The following CDH12 variants were observed in gnomAD, a reference collection of about 807,000 sequenced individuals.
The protein encoded by CDH12 is cadherin-12.
A neutral mutation model predicts 74.1 loss-of-function variants in CDH12; 41 were observed. The ratio of observed to expected loss-of-function variants is 0.55; its 90% confidence interval spans 0.43 to 0.72. CDH12 has a LOEUF of 0.72. Among genes scored for constraint, CDH12 ranks in the 30% least tolerant of loss-of-function variants. CDH12 has a pLI of 0.00. For missense variants in CDH12, 945 were observed against 977.2 expected (o/e 0.97, Z 0.44); for synonymous variants, 399 against 355.0 (o/e 1.12, Z -1.39).
At chr5:22,026,508 T>G (rs1216849251) in intron 5 of CDH12, among the ~76,000 whole-genome samples, 2 of 152,136 alleles carry the variant, frequency 1.3e-5, no homozygotes, top group Non-Finnish European at 2.9e-5. Flanking sequence ...TTAACCATAT[T>G]TAGTCAATAA....
chr5:22,672,867 A>C (rs2126916691), intron 1 of CDH12, among the ~76,000 whole-genome samples: 1 of 152,274 alleles, frequency 6.6e-6, no homozygotes, highest in East Asian at 1.9e-4. Flanking sequence ...GCATATGAAT[A>C]AAGTCTAAAT....
At chr5:22,122,606 C>A (rs1272035948) in intron 4 of CDH12, among the ~76,000 whole-genome samples, 1 of 152,136 alleles carries the variant, frequency 6.6e-6, no homozygotes, top group Non-Finnish European at 1.5e-5. Context: ...GGTTATAAGC[C>A]ATCTATTTCA....
intron 1 of CDH12, among the ~76,000 whole-genome samples, chr5:22,574,657 G>A (rs1739696484): frequency 6.6e-6 from 1 of 151,980 alleles, no homozygotes; most frequent in Admixed American, 6.6e-5. Context: ...TCCTTAAAAA[G>A]CCTCTATCTT....
At chr5:22,338,126 T>C (rs904776409) in intron 3 of CDH12, among the ~76,000 whole-genome samples, 2 of 152,218 alleles carry the variant, frequency 1.3e-5, no homozygotes, top group Non-Finnish European at 2.9e-5. Context: ...GTCCCATGTT[T>C]ATAGCATACT....
chr5:22,641,045 A>T (rs1739121461), intron 1 of CDH12, among the ~76,000 whole-genome samples: 1 of 152,152 alleles, frequency 6.6e-6, no homozygotes. Flanking sequence ...CTCTAGAGAG[A>T]TTGACCAATA....
At chr5:21,800,722 T>TTGAA (rs1339534281) in intron 10 of CDH12, among the ~76,000 whole-genome samples, 1 of 152,186 alleles carries the variant, frequency 6.6e-6, no homozygotes, top group African/African-American at 2.4e-5. Flanking sequence ...TCCCTACATG[T>TTGAA]TGAAGGAGGG....
At chr5:22,786,956 A>T (rs997624171) in intron 1 of CDH12, among the ~76,000 whole-genome samples, 2 of 151,912 alleles carry the variant, frequency 1.3e-5, no homozygotes, top group African/African-American at 4.8e-5. Context: ...CTGACCTCAG[A>T]TGATCTGCCC....
intron 1 of CDH12, among the ~76,000 whole-genome samples, chr5:22,808,378 G>A (rs1360764332): frequency 6.6e-6 from 1 of 152,078 alleles, no homozygotes; most frequent in African/African-American, 2.4e-5. Context: ...AGAAAGATGA[G>A]TGATACCCTT....
chr5:22,255,478 C>T (rs947807550), intron 3 of CDH12, among the ~76,000 whole-genome samples: 2 of 151,608 alleles, frequency 1.3e-5, no homozygotes, highest in African/African-American at 2.4e-5. Flanking sequence ...CCATGTGGCT[C>T]TTATTTCAGA....
intron 1 of CDH12, among the ~76,000 whole-genome samples, chr5:22,792,148 G>C (rs1204577482): frequency 6.8e-6 from 1 of 146,236 alleles, no homozygotes; most frequent in Non-Finnish European, 1.5e-5. Context: ...GAGTGCAGTC[G>C]CATAATCTCG....
intron 4 of CDH12, chr5:22,152,004 C>T (rs1397501943): frequency 6.6e-6 from 1 of 152,040 alleles, no homozygotes. Flanking sequence ...AAGGTAAGCA[C>T]ATAGCTAACT....
chr5:22,297,773 T>C (rs1294125475), intron 3 of CDH12, among the ~76,000 whole-genome samples: 1 of 152,156 alleles, frequency 6.6e-6, no homozygotes, highest in Admixed American at 6.6e-5. Context: ...AGTCAAATCA[T>C]TTAATACCTG....
At chr5:21,909,714 A>G (rs1382209210) in intron 6 of CDH12, among the ~76,000 whole-genome samples, 1 of 152,216 alleles carries the variant, frequency 6.6e-6, no homozygotes, top group Non-Finnish European at 1.5e-5. Flanking sequence ...ATCTACCACA[A>G]TTTTAGGTTC....
chr5:21,754,160 C>T (rs549330313), intron 14 of CDH12, among the ~76,000 whole-genome samples: 1 of 152,166 alleles, frequency 6.6e-6, no homozygotes, highest in Non-Finnish European at 1.5e-5. Context: ...TTGTGATGGC[C>T]TTTGTGCGGG....
rs1286496126 is a variant in CDH12, at chr5:21,880,618, T to TC, written c.527-25829dup. Among the ~76,000 whole-genome samples the TC allele has an allele frequency of 6.3e-3, 335 of 53,450 alleles. 2 individuals carry two copies. The highest frequency in any genetic ancestry group is 0.027 in the South Asian group (34 of 1,238). 35.1% of individuals were successfully genotyped at this position (53,450 alleles called of 152,430 possible). A position where few individuals can be genotyped will look rare whatever the true frequency, so the allele number is the denominator to read the frequency against. ...TTCCTTCCTTCCTTCCTTCCTTCCT[T>TC]CTTTCTTTCTTTCTTTCTTTCTTTC... On this transcript the variant is annotated intron_variant, in intron 6 of 14. Coordinates refer to ENST00000382254, the MANE Select transcript of CDH12 (RefSeq NM_004061.5).
chr5:22,751,077 A>T (rs1745546767), intron 1 of CDH12, among the ~76,000 whole-genome samples: 1 of 151,950 alleles, frequency 6.6e-6, no homozygotes. Context: ...GTTGTTAAGT[A>T]GATTTGGAAT....
intron 3 of CDH12, among the ~76,000 whole-genome samples, chr5:22,400,595 C>T (rs571620502): frequency 6.6e-6 from 1 of 151,978 alleles, no homozygotes; most frequent in East Asian, 1.9e-4. Flanking sequence ...CATGCCTGGC[C>T]TGTGCTTGGG....
intron 2 of CDH12, among the ~76,000 whole-genome samples, chr5:22,421,298 C>T (rs1743641638): frequency 6.6e-6 from 1 of 152,158 alleles, no homozygotes; most frequent in African/African-American, 2.4e-5. Context: ...ATCAATCTGT[C>T]ATCTACATTA....
chr5:22,845,062 C>T (rs927499912), intron 1 of CDH12, among the ~76,000 whole-genome samples: 5 of 151,966 alleles, frequency 3.3e-5, no homozygotes, highest in South Asian at 2.1e-4. Flanking sequence ...GTAGACAACA[C>T]GGGAAATTGA....
Sources: allele counts gnomAD v4.1 joint callset (sites outside exome capture counted in the v4.1 genomes callset), GRCh38; gene constraint gnomAD v4.1.1; transcripts MANE v1.5; gene names NCBI Gene and HGNC (gene_info 2026-07-23, HGNC 2026-07-21).